PRKG1: variants seen among roughly 807,000 people sequenced by gnomAD.
The protein encoded by PRKG1 is cGMP-dependent protein kinase 1.
Under a neutral mutation model 88.1 loss-of-function variants are expected in PRKG1, and 35 were observed. The ratio of observed to expected loss-of-function variants is 0.40; its 90% CI spans 0.30 to 0.53. The LOEUF is 0.53. PRKG1 is among the 20% of genes least tolerant of loss of function. The probability of loss-of-function intolerance (pLI) is 0.59; values close to 1 mark genes in which losing one functional copy is unlikely to be tolerated. For missense variants in PRKG1, 540 were observed against 839.8 expected (o/e 0.64, Z 4.41); for synonymous variants, 303 against 292.5 (o/e 1.04, Z -0.37).
At chr10:51,895,672 C>G (rs961111629) in intron 4 of PRKG1, among the ~76,000 whole-genome samples, 1 of 151,832 alleles carries the variant, frequency 6.6e-6, no homozygotes, top group African/African-American at 2.4e-5. Flanking sequence ...TTTTCCTTTC[C>G]CAAGCAGGTG....
chr10:51,549,141 T>TTTTTTTTTTTTTTTTTTTTGG (rs1554820705), intron 3 of PRKG1, among the ~76,000 whole-genome samples: 1 of 137,974 alleles, frequency 7.2e-6, no homozygotes. Context: ...TTTTTTTTTT[T>TTTTTTTTTTTTTTTTTTTTGG]GAGACAGAGT....
chr10:51,884,508 G>A (rs1841521608), intron 4 of PRKG1, among the ~76,000 whole-genome samples: 1 of 147,594 alleles, frequency 6.8e-6, no homozygotes, highest in Non-Finnish European at 1.5e-5. Flanking sequence ...TAAATATACT[G>A]CCACAGAGGT....
chr10:51,054,852 T>A (rs1843608244), intron 1 of PRKG1, among the ~76,000 whole-genome samples: 2 of 152,132 alleles, frequency 1.3e-5, no homozygotes, highest in Non-Finnish European at 2.9e-5. Context: ...AAAATTAGGA[T>A]AATAACAAAA....
intron 4 of PRKG1, among the ~76,000 whole-genome samples, chr10:51,902,766 A>C (rs556781067): frequency 6.6e-6 from 1 of 152,198 alleles, no homozygotes. Flanking sequence ...ACAAACAAGC[A>C]TGCATCCCAT....
At position 52,045,669 on chromosome 10, in the gene PRKG1, C is replaced by G. The variant is rs1040032818; in HGVS notation, c.763-8815C>G. On this transcript the variant is annotated intron_variant, in intron 5 of 17. Coordinates refer to ENST00000373980, the MANE Select transcript of PRKG1 (RefSeq NM_006258.4). ...CTTGAGGGACAGTGATGGACAGGCT[C>G]TCTATCCAGAAGTCTTAGATAACTA... Among the ~76,000 whole-genome samples the G allele has an allele frequency of 1.3e-5, 2 of 151,924 alleles. 1 individual carries two copies. The highest frequency in any genetic ancestry group is 3.9e-4 in the East Asian group (2 of 5,184).
chr10:52,086,164 AG>A (rs1053536847), intron 7 of PRKG1, among the ~76,000 whole-genome samples: 9 of 152,096 alleles, frequency 5.9e-5, no homozygotes, highest in Non-Finnish European at 1.0e-4. Context: ...TCCAAAAAAA[AG>A]TTTACTCAGA....
chr10:51,245,767 G>A (rs1839273260), intron 2 of PRKG1: 1 of 152,058 alleles, frequency 6.6e-6, no homozygotes, highest in South Asian at 2.1e-4. Flanking sequence ...TGAGACTGAA[G>A]ACCTTAACTG....
At chr10:51,114,264 G>T (rs1845053604) in intron 1 of PRKG1, among the ~76,000 whole-genome samples, 1 of 152,114 alleles carries the variant, frequency 6.6e-6, no homozygotes, top group Admixed American at 6.6e-5. Context: ...ACTCTTTCAG[G>T]AGAGTTTTTA....
At chr10:51,976,686 T>G (rs1009907264) in intron 5 of PRKG1, among the ~76,000 whole-genome samples, 1 of 151,988 alleles carries the variant, frequency 6.6e-6, no homozygotes, top group African/African-American at 2.4e-5. Flanking sequence ...TAGATTGTAG[T>G]GATGGTTGTA....
At chr10:51,872,405 C>T (rs1841180867) in intron 4 of PRKG1, among the ~76,000 whole-genome samples, 1 of 152,116 alleles carries the variant, frequency 6.6e-6, no homozygotes, top group Admixed American at 6.5e-5. Flanking sequence ...GGTAGCAGTT[C>T]TTTAATTCTT....
intron 2 of PRKG1, among the ~76,000 whole-genome samples, chr10:51,401,735 C>T (rs1837744702): frequency 1.3e-5 from 2 of 152,072 alleles, no homozygotes; most frequent in African/African-American, 4.8e-5. Context: ...TATCTCCTTC[C>T]CTCCCCATAA....
At chr10:51,147,954 A>G (rs150826480) in intron 1 of PRKG1, among the ~76,000 whole-genome samples, 1 of 152,324 alleles carries the variant, frequency 6.6e-6, no homozygotes, top group African/African-American at 2.4e-5. Context: ...GGTAGTTCTT[A>G]GCTCTTAGCC....
At chr10:52,146,821 G>A (rs185260028) in intron 8 of PRKG1, among the ~76,000 whole-genome samples, 1 of 152,250 alleles carries the variant, frequency 6.6e-6, no homozygotes, top group Non-Finnish European at 1.5e-5. Context: ...CAAAGGATAT[G>A]TATTTTTTAA....
At chr10:51,978,099 T>C (rs1161573580) in intron 5 of PRKG1, among the ~76,000 whole-genome samples, 1 of 152,096 alleles carries the variant, frequency 6.6e-6, no homozygotes, top group African/African-American at 2.4e-5. Context: ...TTTTATAGTT[T>C]TGAGTTTTAC....
At chr10:51,085,622 T>G (rs941689844) in intron 1 of PRKG1, among the ~76,000 whole-genome samples, 1 of 151,986 alleles carries the variant, frequency 6.6e-6, no homozygotes, top group South Asian at 2.1e-4. Context: ...TTTTTTTGGC[T>G]GGGAGATCGA....
chr10:52,159,128 T>A (rs2132683744), intron 8 of PRKG1, among the ~76,000 whole-genome samples: 1 of 151,678 alleles, frequency 6.6e-6, no homozygotes, highest in East Asian at 1.9e-4. Context: ...TATGGGTGAT[T>A]TCTTAATTTC....
chr10:51,919,314 G>A (rs1842412160), intron 5 of PRKG1, among the ~76,000 whole-genome samples: 1 of 152,200 alleles, frequency 6.6e-6, no homozygotes, highest in South Asian at 2.1e-4. Context: ...ACCAACCAAG[G>A]CTTTAGGGAG....
chr10:51,537,236 T>C (rs2132105058), intron 3 of PRKG1, among the ~76,000 whole-genome samples: 1 of 152,346 alleles, frequency 6.6e-6, no homozygotes, highest in Non-Finnish European at 1.5e-5. Context: ...TTTTCATGTT[T>C]GTATCCTTTG....
At chr10:51,240,275 T>C (rs1347775975) in intron 2 of PRKG1, among the ~76,000 whole-genome samples, 1 of 152,222 alleles carries the variant, frequency 6.6e-6, no homozygotes, top group Non-Finnish European at 1.5e-5. Context: ...AGACCCAACA[T>C]ATCCAAATTG....
Sources: gnomAD v4.1 joint callset for allele counts (sites outside exome capture counted in the v4.1 genomes callset) on GRCh38, gnomAD v4.1.1 for gene constraint, MANE v1.5 for transcripts, NCBI Gene and HGNC (gene_info 2026-07-23, HGNC 2026-07-21) for gene names.